The following ZEB1 variants were observed in gnomAD, a reference collection of about 807,000 sequenced individuals.
ZEB1 encodes the protein zinc finger E-box binding homeobox 1, also known as zinc finger E-box-binding homeobox 1.
Under a neutral mutation model 84.9 loss-of-function variants are expected in ZEB1, and 21 were observed. The observed-to-expected ratio is 0.25, with a 90% CI of 0.18 to 0.36. ZEB1 has a LOEUF of 0.36. ZEB1 is among the 10% of genes least tolerant of loss of function. ZEB1 has a pLI of 1.00. For synonymous variants in ZEB1, 420 were observed against 471.1 expected (o/e 0.89, Z 1.41); for missense variants, 1,104 against 1,330.2 (o/e 0.83, Z 2.65).
At chr10:31,365,106 C>T (rs2044208333) in intron 1 of ZEB1, among the ~76,000 whole-genome samples, 1 of 152,146 alleles carries the variant, frequency 6.6e-6, no homozygotes, top group Admixed American at 6.5e-5. Context: ...TTGGTCTGTC[C>T]TAAAAGAAAT....
At chr10:31,439,982 C>T (rs534992833) in intron 1 of ZEB1, among the ~76,000 whole-genome samples, 16 of 152,262 alleles carry the variant, frequency 1.1e-4, no homozygotes, top group Non-Finnish European at 2.1e-4. Flanking sequence ...ACAAAGGTGG[C>T]AGCACGGAGA....
At chr10:31,443,359 T>C (rs2059283802) in intron 1 of ZEB1, among the ~76,000 whole-genome samples, 1 of 152,136 alleles carries the variant, frequency 6.6e-6, no homozygotes, top group Non-Finnish European at 1.5e-5. Flanking sequence ...CATTTCATGC[T>C]TATAATGGCC....
Position 31,323,299 on chromosome 10 carries a change from G to T in ZEB1, c.58+4007G>T, listed in dbSNP as rs976500833. Among the ~76,000 whole-genome samples the T allele has an allele frequency of 2.0e-5, 3 of 151,790 alleles. No individual in the cohort carries two copies. In the East Asian group the frequency reaches 5.8e-4, roughly 29 times the overall value. On this transcript the variant is annotated intron_variant, in intron 1 of 8. Transcript: ENST00000424869. ...AAGATCCCTTAAAATATATATTTTA[G>T]ATGTTAAAATACATCTAAAATGGTC...
chr10:31,481,238 T>C (rs985519607), intron 2 of ZEB1, among the ~76,000 whole-genome samples: 4 of 152,094 alleles, frequency 2.6e-5, no homozygotes, highest in African/African-American at 2.4e-5. Context: ...TATGAACTTA[T>C]GGTTCTGAAT....
chr10:31,381,666 G>T (rs1366921122), intron 1 of ZEB1: 5 of 152,104 alleles, frequency 3.3e-5, no homozygotes, highest in African/African-American at 4.8e-5. Context: ...GTAAGAATAG[G>T]TGTGTTACCC....
At chr10:31,371,785 G>T (rs1000823135) in intron 1 of ZEB1, among the ~76,000 whole-genome samples, 51 of 152,278 alleles carry the variant, frequency 3.3e-4, no homozygotes, top group African/African-American at 1.2e-3. Context: ...TTATTGGAAT[G>T]AATAGAATAA....
chr10:31,363,787 G>A, intron 1 of ZEB1: 4 of 1,317,828 alleles, frequency 3.0e-6, no homozygotes, highest in Non-Finnish European at 4.2e-6. Context: ...GACCCTCTGT[G>A]GGGTGCCCGT....
chr10:31,510,801 C>A lies in ZEB1; in HGVS notation c.613C>A (p.Leu205Met), dbSNP rs201419824. 19 of 1,613,966 alleles carry A rather than the reference C, an allele frequency of 1.2e-5. No individual in the cohort carries two copies. The African/African-American group carries it at 2.1e-4, about 18-fold the overall frequency. Residue 205 changes from leucine (L) to methionine (M), a missense_variant, in exon 5 of 9, where the codon CTG becomes ATG. Around this residue, in one of 7 missense-constraint regions of ZEB1, gnomAD observed 71 missense variants for 119.1 expected, o/e 0.60. Coordinates refer to ENST00000424869, the MANE Select transcript of ZEB1 (RefSeq NM_001174096.2). ...EKNEDNFSCS[L>M]CSYTFAYRTQ... is the part of the protein sequence containing the mutation. ...GAATGAAGATAACTTTAGTTGCTCC[C>A]TGTGCAGTTACACCTTTGCATACAG...
chr10:31,407,433 T>C (rs1482869743), intron 1 of ZEB1, among the ~76,000 whole-genome samples: 1 of 152,048 alleles, frequency 6.6e-6, no homozygotes. Context: ...CCTCATCATT[T>C]TTTATGGCTG....
At chr10:31,458,427 C>T (rs1294384712) in intron 1 of ZEB1, among the ~76,000 whole-genome samples, 4 of 151,116 alleles carry the variant, frequency 2.6e-5, no homozygotes, top group Non-Finnish European at 4.4e-5. Flanking sequence ...GAAACTTAAG[C>T]TTATAGTCAG....
intron 1 of ZEB1, among the ~76,000 whole-genome samples, chr10:31,444,721 C>T (rs1221172451): frequency 2.0e-5 from 3 of 151,912 alleles, no homozygotes; most frequent in Non-Finnish European, 2.9e-5. Flanking sequence ...ATCAGATAGT[C>T]GTAGGTATGC....
chr10:31,514,823 A>G (rs189115933), intron 6 of ZEB1, 115 bp downstream of exon 6: 9 of 863,968 alleles, frequency 1.0e-5, no homozygotes, highest in African/African-American at 3.4e-5. Flanking sequence ...TTCTTTTGGC[A>G]TACACTAATT....
chr10:31,322,791 C>A (rs528230954), intron 1 of ZEB1, among the ~76,000 whole-genome samples: 16 of 151,478 alleles, frequency 1.1e-4, no homozygotes, highest in African/African-American at 3.2e-4. Flanking sequence ...TACTAATGAC[C>A]ACATGCTGAT....
rs760761758 is a variant in ZEB1 at position 31,520,407 on chromosome 10, A to G, written c.1075A>G (p.Ile359Val). The G allele has an allele frequency of 1.2e-6, 2 of 1,613,970 alleles. No individual in the cohort carries two copies. Among genetic ancestry groups the G allele is most frequent in the Non-Finnish European group, 1.7e-6 (2 of 1,179,956 alleles). ...TEPVDYEFKP[I>V]VVASGINCST... Reference sequence around the variant, plus strand: ...ACCTGTGGATTATGAATTCAAACCCATAGTGGTTGCTTCAGGAATCAACTG... The same window carrying G: ...ACCTGTGGATTATGAATTCAAACCCGTAGTGGTTGCTTCAGGAATCAACTG... The change falls in exon 7 of 9, where the codon ATA becomes GTA. Residue 359 changes from isoleucine (I) to valine (V), a missense_variant. This residue lies in a region of ZEB1 where 111 missense variants were observed against 161.8 expected (regional missense o/e 0.69). Coordinates refer to ENST00000424869, the MANE Select transcript of ZEB1 (RefSeq NM_001174096.2). This position sits in a 1 kb window ranked among gnomAD's most constrained non-coding sequence, Gnocchi z 5.1.
At chr10:31,321,497 G>A in intron 1 of ZEB1, 1 of 1,614,014 alleles carries the variant, frequency 6.2e-7, no homozygotes, top group Non-Finnish European at 8.5e-7. Context: ...TCCATATTGA[G>A]CTGTTGCCGC....
intron 2 of ZEB1, among the ~76,000 whole-genome samples, chr10:31,471,959 C>T (rs1226172185): frequency 2.9e-5 from 4 of 137,396 alleles, no homozygotes; most frequent in African/African-American, 1.4e-4. Flanking sequence ...TCCTGAATGA[C>T]TACTGGGTAC....
intron 1 of ZEB1, among the ~76,000 whole-genome samples, chr10:31,368,068 G>A (rs2044897808): frequency 6.6e-6 from 1 of 151,794 alleles, no homozygotes; most frequent in South Asian, 2.1e-4. Flanking sequence ...TCAGGTGGTT[G>A]GTGCCAGGAC....
At chr10:31,496,131 TTC>T (rs2067200226) in intron 3 of ZEB1, among the ~76,000 whole-genome samples, 1 of 152,102 alleles carries the variant, frequency 6.6e-6, no homozygotes, top group African/African-American at 2.4e-5. Context: ...TGATTTGAAC[TTC>T]TATCAAGTTT....
At position 31,485,446 on chromosome 10, in the gene ZEB1, C is replaced by T. The variant is rs547472217; in HGVS notation, c.260-10330C>T. Among the ~76,000 whole-genome samples the T allele has an allele frequency of 1.3e-4, 19 of 151,996 alleles. No individual in the cohort carries two copies. In the South Asian group the frequency reaches 2.7e-3, roughly 22 times the overall value. On this transcript the variant is annotated intron_variant, in intron 2 of 8. Coordinates refer to ENST00000424869, the MANE Select transcript of ZEB1 (RefSeq NM_001174096.2). ...TTGACTCTAAAGCGTTTGCCCTTAT[C>T]CACTGCCTCATTTCTTTTTATTCCT...
Sources: gnomAD v4.1 joint callset for allele counts (sites outside exome capture counted in the v4.1 genomes callset) on GRCh38, gnomAD v4.1.1 for gene constraint, gnomAD v4.1.1 regional missense constraint, Gnocchi (gnomAD v3.1) non-coding constraint, MANE v1.5 for transcripts, NCBI Gene and HGNC (gene_info 2026-07-23, HGNC 2026-07-21) for gene names.